Variants in GRIP1 observed in about 807,000 individuals in gnomAD.
GRIP1 encodes glutamate receptor-interacting protein 1.
In GRIP1, 45 loss-of-function variants were observed where a neutral mutation model predicts 129.9. The observed-to-expected ratio is 0.35, with a 90% confidence interval of 0.27 to 0.44. The LOEUF is 0.44. Among genes scored for constraint, GRIP1 ranks in the 20% least tolerant of loss-of-function variants. The pLI, the probability that GRIP1 is intolerant of heterozygous loss-of-function variation, is 1.00. For synonymous variants in GRIP1, 530 were observed against 520.8 expected (o/e 1.02, Z -0.24); for missense variants, 1,196 against 1,396.8 (o/e 0.86, Z 2.29).
intron 1 of GRIP1, among the ~76,000 whole-genome samples, chr12:66,855,029 T>C (rs1267072179): frequency 6.6e-6 from 1 of 152,046 alleles, no homozygotes; most frequent in East Asian, 1.9e-4. Flanking sequence ...CTTTTCTATC[T>C]GCTTATTATT....
upstream of GRIP1, among the ~76,000 whole-genome samples, chr12:66,680,968 T>TG (rs977659265): frequency 1.3e-5 from 2 of 152,092 alleles, no homozygotes; most frequent in African/African-American, 2.4e-5. Flanking sequence ...ATGCTTATTT[T>TG]TTTTGTTTTG....
intron 1 of GRIP1, among the ~76,000 whole-genome samples, chr12:66,730,250 T>C (rs17827066): frequency 0.12 from 18,992 of 152,164 alleles, 1,890 homozygotes; most frequent in African/African-American, 0.23. Flanking sequence ...AAACATTTCC[T>C]AGCGTCATAA....
chr12:66,490,203 GCAT>G lies in GRIP1; in HGVS notation c.725-24784_725-24782del, dbSNP rs1008270548. On this transcript the variant is annotated intron_variant, in intron 7 of 24. Coordinates refer to ENST00000359742, the MANE Select transcript of GRIP1 (RefSeq NM_001366722.1). ...CTAAGCTAAAAGAACAAAGCTGGAGGCATCATACCACCCAAGTTCAAACTATAC... is the reference window on the plus strand; with the variant it reads ...CTAAGCTAAAAGAACAAAGCTGGAGGCATACCACCCAAGTTCAAACTATAC... Among the ~76,000 whole-genome samples the G allele has an allele frequency of 4.1e-4, 63 of 152,218 alleles. 1 individual carries two copies. The highest frequency in any genetic ancestry group is 1.5e-3 in the African/African-American group (61 of 41,538).
intron 1 of GRIP1, among the ~76,000 whole-genome samples, chr12:66,890,398 A>C (rs1193685090): frequency 6.6e-6 from 1 of 152,244 alleles, no homozygotes; most frequent in African/African-American, 2.4e-5. Flanking sequence ...AACTAAAATT[A>C]AAACTTTTAG....
chr12:66,717,714 G>C (rs2035936857), intron 1 of GRIP1, among the ~76,000 whole-genome samples: 1 of 152,118 alleles, frequency 6.6e-6, no homozygotes, highest in Non-Finnish European at 1.5e-5. Context: ...CAGTCATTGT[G>C]TTGGTCTTTT....
intron 1 of GRIP1, among the ~76,000 whole-genome samples, chr12:66,876,161 T>G (rs2040379057): frequency 1.3e-5 from 2 of 152,056 alleles, no homozygotes; most frequent in South Asian, 4.1e-4. Flanking sequence ...GAATGAAAAC[T>G]ACAAAATTTG....
intron 1 of GRIP1, among the ~76,000 whole-genome samples, chr12:66,709,674 CCTTAA>C (rs2035651234): frequency 6.6e-6 from 1 of 151,720 alleles, no homozygotes; most frequent in Admixed American, 6.6e-5. Context: ...AACACATGTG[CCTTAA>C]GGATTTCTGA....
chr12:66,505,260 AC>A (rs566575780), intron 7 of GRIP1, among the ~76,000 whole-genome samples: 196 of 152,296 alleles, frequency 1.3e-3, no homozygotes, highest in African/African-American at 4.6e-3. Context: ...GACTCAATGA[AC>A]CGTTGCTGTC....
chr12:67,015,778 G>C (rs1165604090), intron 1 of GRIP1, among the ~76,000 whole-genome samples: 1 of 152,192 alleles, frequency 6.6e-6, no homozygotes, highest in African/African-American at 2.4e-5. Flanking sequence ...AGGGATACAT[G>C]ATGCATCACT....
chr12:67,041,584 G>T (rs977295808), intron 1 of GRIP1, among the ~76,000 whole-genome samples: 2 of 152,038 alleles, frequency 1.3e-5, no homozygotes, highest in African/African-American at 4.8e-5. Flanking sequence ...ATCAAAAAAG[G>T]AGTGGGTGAT....
chr12:66,555,368 T>C (rs1270796686), intron 2 of GRIP1, among the ~76,000 whole-genome samples: 1 of 152,158 alleles, frequency 6.6e-6, no homozygotes, highest in Non-Finnish European at 1.5e-5. Context: ...CTAATGCAGA[T>C]ATGGCTGCAG....
At chr12:66,973,920 T>C (rs954085236) in intron 1 of GRIP1, among the ~76,000 whole-genome samples, 3 of 41,254 alleles carry the variant, frequency 7.3e-5, no homozygotes, top group Non-Finnish European at 1.8e-4. Flanking sequence ...TTTTCTTTTC[T>C]TTTTTTTTTT....
chr12:66,585,573 G>T (rs922157512), intron 2 of GRIP1, among the ~76,000 whole-genome samples: 1 of 143,488 alleles, frequency 7.0e-6, no homozygotes, highest in African/African-American at 2.6e-5. Context: ...ACGTGTGCAT[G>T]TGTCTTTATA....
chr12:66,353,299 T>C (rs976978530), intron 24 of GRIP1, 118 bp downstream of exon 24: 9 of 798,638 alleles, frequency 1.1e-5, no homozygotes, highest in African/African-American at 1.0e-4. Flanking sequence ...TTCCATAATC[T>C]TGATGACAAA....
intron 1 of GRIP1, among the ~76,000 whole-genome samples, chr12:67,028,952 C>A (rs575329303): frequency 3.3e-5 from 5 of 152,086 alleles, no homozygotes; most frequent in African/African-American, 1.2e-4. Context: ...CAATGAGATT[C>A]ATCAGTATTA....
intron 1 of GRIP1, among the ~76,000 whole-genome samples, chr12:66,947,890 T>C (rs1000604001): frequency 7.9e-5 from 12 of 152,234 alleles, no homozygotes; most frequent in Admixed American, 2.6e-4. Context: ...ACCATCTTCA[T>C]GTTCCAGGGC....
At chr12:67,023,692 G>A (rs117491207) in intron 1 of GRIP1, among the ~76,000 whole-genome samples, 2 of 151,870 alleles carry the variant, frequency 1.3e-5, no homozygotes, top group African/African-American at 4.8e-5. Context: ...TGAATCTATA[G>A]ATTAAGCAGT....
At chr12:66,566,952 T>C (rs917273940) in intron 2 of GRIP1, among the ~76,000 whole-genome samples, 4 of 152,206 alleles carry the variant, frequency 2.6e-5, no homozygotes, top group African/African-American at 9.6e-5. Context: ...GATGGTAGTT[T>C]GTATTTCCGT....
At chr12:66,594,774 A>G (rs1473034616) in intron 2 of GRIP1, among the ~76,000 whole-genome samples, 2 of 152,182 alleles carry the variant, frequency 1.3e-5, no homozygotes, top group Admixed American at 1.3e-4. Flanking sequence ...ACAAGTGGAC[A>G]TGGTAGGTGA....
Sources: gnomAD v4.1 joint callset for allele counts (sites outside exome capture counted in the v4.1 genomes callset) on GRCh38, gnomAD v4.1.1 for gene constraint, MANE v1.5 for transcripts, NCBI Gene and HGNC (gene_info 2026-07-23, HGNC 2026-07-21) for gene names.